ANO4: variants seen among roughly 807,000 people sequenced by gnomAD.
The protein encoded by ANO4 is anoctamin 4.
A neutral mutation model predicts 141.9 loss-of-function variants in ANO4; 69 were observed. That is an observed-to-expected ratio of 0.49 (90% CI 0.40 to 0.59). The LOEUF (loss-of-function observed/expected upper bound fraction) is 0.59, where lower values mean the gene tolerates loss of function less well. Ranked by LOEUF, ANO4 falls within the 20% of genes least tolerant of loss-of-function variation. ANO4 has a pLI of 0.00. For synonymous variants in ANO4, 350 were observed against 394.3 expected (o/e 0.89, Z 1.33); for missense variants, 894 against 1,162.2 (o/e 0.77, Z 3.36).
intron 5 of ANO4, among the ~76,000 whole-genome samples, chr12:100,962,918 G>T (rs1315739377): frequency 6.6e-6 from 1 of 152,208 alleles, no homozygotes; most frequent in Non-Finnish European, 1.5e-5. Context: ...ATGGAGAGAA[G>T]TGGATAGATT....
chr12:100,740,594 A>C (rs2031820053), intron 3 of ANO4, among the ~76,000 whole-genome samples: 1 of 152,228 alleles, frequency 6.6e-6, no homozygotes, highest in South Asian at 2.1e-4. Context: ...CAAAAAAGTC[A>C]TCAAAAAGTC....
At chr12:100,841,656 G>A (rs1398456551) in intron 1 of ANO4, among the ~76,000 whole-genome samples, 1 of 152,152 alleles carries the variant, frequency 6.6e-6, no homozygotes, top group Admixed American at 6.5e-5. Context: ...CAGGCAGAGG[G>A]AACAGCAAGT....
At chr12:100,765,244 C>T (rs936760904) in intron 3 of ANO4, among the ~76,000 whole-genome samples, 1 of 152,128 alleles carries the variant, frequency 6.6e-6, no homozygotes, top group Non-Finnish European at 1.5e-5. Context: ...ATTATCTGTA[C>T]TCTCTTATGA....
chr12:100,726,968 C>CT (rs397814767), intron 1 of ANO4, among the ~76,000 whole-genome samples: 1 of 151,560 alleles, frequency 6.6e-6, no homozygotes, highest in Non-Finnish European at 1.5e-5. Context: ...GGACCCCCCC[C>CT]GCCCATTCCC....
At chr12:100,919,558 A>G (rs1443426015) in intron 2 of ANO4, among the ~76,000 whole-genome samples, 2 of 152,014 alleles carry the variant, frequency 1.3e-5, no homozygotes, top group African/African-American at 4.8e-5. Context: ...TATACCAACT[A>G]TGTTTGTGTA....
chr12:100,981,918 A>G (rs1303088180), intron 7 of ANO4, among the ~76,000 whole-genome samples: 1 of 152,156 alleles, frequency 6.6e-6, no homozygotes, highest in Non-Finnish European at 1.5e-5. Context: ...GAGGGAACTG[A>G]GGGTCAAAGA....
intron 1 of ANO4, among the ~76,000 whole-genome samples, chr12:100,881,137 G>A (rs913986147): frequency 6.6e-6 from 1 of 151,712 alleles, no homozygotes; most frequent in African/African-American, 2.4e-5. Context: ...ACTGTTTTGG[G>A]GTGGGGGGAG....
intron 1 of ANO4, among the ~76,000 whole-genome samples, chr12:100,807,794 G>A (rs2035152287): frequency 6.6e-6 from 1 of 152,172 alleles, no homozygotes; most frequent in Admixed American, 6.5e-5. Context: ...TTATAAGTGA[G>A]AACACATGAT....
intron 1 of ANO4, among the ~76,000 whole-genome samples, chr12:100,847,181 C>T (rs923998783): frequency 6.6e-6 from 1 of 152,212 alleles, no homozygotes; most frequent in African/African-American, 2.4e-5. Flanking sequence ...CTTCATTGTA[C>T]TTATCACAGT....
intron 3 of ANO4, among the ~76,000 whole-genome samples, chr12:100,938,186 T>A (rs2042362655): frequency 6.6e-6 from 1 of 152,256 alleles, no homozygotes; most frequent in Non-Finnish European, 1.5e-5. Context: ...TACCTGGTCA[T>A]CTCATCTACG....
chr12:100,859,731 A>G (rs1049052488), intron 1 of ANO4, among the ~76,000 whole-genome samples: 10 of 152,166 alleles, frequency 6.6e-5, no homozygotes, highest in African/African-American at 2.4e-4. Flanking sequence ...AGCCTCTGTG[A>G]GGGCAGAGAT....
intron 1 of ANO4, among the ~76,000 whole-genome samples, chr12:100,884,225 C>A (rs2039709443): frequency 6.6e-6 from 1 of 152,200 alleles, no homozygotes; most frequent in African/African-American, 2.4e-5. Flanking sequence ...TAGCATAGAA[C>A]TGTAGTCAGT....
At chr12:101,091,116 T>C (rs2049752372) in intron 17 of ANO4, among the ~76,000 whole-genome samples, 1 of 152,212 alleles carries the variant, frequency 6.6e-6, no homozygotes, top group African/African-American at 2.4e-5. Context: ...AGGGATGCCC[T>C]TGTGGTTTTT....
chr12:101,077,952 AGC>A (rs1242830557), intron 14 of ANO4, among the ~76,000 whole-genome samples: 1 of 152,148 alleles, frequency 6.6e-6, no homozygotes, highest in African/African-American at 2.4e-5. Context: ...ACAGTAGCAC[AGC>A]TTGTATCTGA....
intron 1 of ANO4, among the ~76,000 whole-genome samples, chr12:100,863,770 G>T (rs1427849388): frequency 6.6e-6 from 1 of 152,172 alleles, no homozygotes; most frequent in African/African-American, 2.4e-5. Flanking sequence ...AAAATTGCCA[G>T]AAATGGTAAA....
At chr12:101,082,810 A>G (rs947908869) in intron 15 of ANO4, among the ~76,000 whole-genome samples, 27 of 152,208 alleles carry the variant, frequency 1.8e-4, no homozygotes, top group African/African-American at 6.5e-4. Flanking sequence ...AATCTTGACC[A>G]TTTCTGCCTG....
intron 1 of ANO4, among the ~76,000 whole-genome samples, chr12:100,718,168 T>C (rs2030700315): frequency 6.6e-6 from 1 of 152,212 alleles, no homozygotes; most frequent in African/African-American, 2.4e-5. Context: ...CATATATACA[T>C]GTGTGGTATT....
At chr12:100,885,228 T>C (rs989041481) in intron 1 of ANO4, among the ~76,000 whole-genome samples, 2 of 152,246 alleles carry the variant, frequency 1.3e-5, no homozygotes, top group African/African-American at 4.8e-5. Flanking sequence ...AGGTGACATA[T>C]TCACAGGTTC....
intron 9 of ANO4, among the ~76,000 whole-genome samples, chr12:101,027,394 C>T (rs757348353): frequency 1.3e-5 from 2 of 152,168 alleles, no homozygotes; most frequent in African/African-American, 4.8e-5. Context: ...GCTGCCTAAG[C>T]CATTTGAGCT....
Sources: gnomAD v4.1 joint callset for allele counts (sites outside exome capture counted in the v4.1 genomes callset) on GRCh38, gnomAD v4.1.1 for gene constraint, MANE v1.5 for transcripts, NCBI Gene and HGNC (gene_info 2026-07-23, HGNC 2026-07-21) for gene names.